TLK1: variants seen among roughly 807,000 people sequenced by gnomAD.
TLK1 encodes the protein tousled like kinase 1.
TLK1 carries 24 observed loss-of-function variants against 105.3 expected under a neutral mutation model. That is an observed-to-expected ratio of 0.23 (90% CI 0.17 to 0.32). The LOEUF (loss-of-function observed/expected upper bound fraction) is 0.32, where lower values mean the gene tolerates loss of function less well. Ranked by LOEUF, TLK1 falls within the 10% of genes least tolerant of loss-of-function variation. TLK1 has a pLI of 1.00. For missense variants in TLK1, 558 were observed against 910.5 expected (o/e 0.61, Z 4.98); for synonymous variants, 321 against 310.4 (o/e 1.03, Z -0.36).
chr2:171,152,950 G>A (rs1692099978), intron 1 of TLK1, among the ~76,000 whole-genome samples: 1 of 152,132 alleles, frequency 6.6e-6, no homozygotes, highest in Admixed American at 6.5e-5. Flanking sequence ...AGCTGGTACA[G>A]CTTTCTAAAT....
At position 170,996,764 on chromosome 2, in the gene TLK1, A is replaced by C. The variant is rs750147824; in HGVS notation, c.2017-4T>G. The C allele has an allele frequency of 2.0e-6, 3 of 1,469,872 alleles. No individual in the cohort carries two copies. The South Asian group carries it at 3.9e-5, about 19-fold the overall frequency. The allele number at this position is 1,469,872 out of a possible 1,614,324, so 91.1% of individuals were successfully genotyped here. ...GAGATTGATTGTGACCAAATGGCTT[A>C]AAAAAAAAATTAAATGTTGAGATAC... On this transcript the variant is annotated splice_region_variant and splice_polypyrimidine_tract_variant and intron_variant, in intron 19 of 20. Coordinates refer to ENST00000431350, the MANE Select transcript of TLK1 (RefSeq NM_012290.5).
chr2:171,187,003 A>C (rs1693036785), intron 1 of TLK1, among the ~76,000 whole-genome samples: 1 of 133,574 alleles, frequency 7.5e-6, no homozygotes, highest in Non-Finnish European at 1.6e-5. Context: ...GGCTGCAGTG[A>C]GCCGAGATCA....
At chr2:171,164,820 C>A, upstream of TLK1, among the ~76,000 whole-genome samples, 1 of 151,738 alleles carries the variant, frequency 6.6e-6, no homozygotes, top group African/African-American at 2.4e-5. Context: ...AAAAAATGTC[C>A]GATAAAAAAA....
chr2:171,078,187 C>T (rs1268712382), intron 3 of TLK1, among the ~76,000 whole-genome samples: 2 of 152,156 alleles, frequency 1.3e-5, no homozygotes, highest in African/African-American at 2.4e-5. Context: ...AGGCTCCTCC[C>T]TTTCCTTCTT....
chr2:171,231,033 C>T (rs1182291502), intron 1 of TLK1: 1 of 152,168 alleles, frequency 6.6e-6, no homozygotes, highest in African/African-American at 2.4e-5. Context: ...ACACAAACCT[C>T]CCAGGTTTGA....
At chr2:171,216,994 C>T (rs767966988) in intron 1 of TLK1, among the ~76,000 whole-genome samples, 71 of 152,218 alleles carry the variant, frequency 4.7e-4, no homozygotes, top group Non-Finnish European at 2.1e-4. Flanking sequence ...TTTTAAGCCA[C>T]TCAGTGTGTA....
intron 1 of TLK1, among the ~76,000 whole-genome samples, chr2:171,229,589 C>T (rs947463717): frequency 6.6e-6 from 1 of 152,144 alleles, no homozygotes; most frequent in African/African-American, 2.4e-5. Flanking sequence ...TACTGGACTT[C>T]AATTCTAAGG....
At chr2:171,140,128 A>G (rs1251333398) in intron 1 of TLK1, among the ~76,000 whole-genome samples, 1 of 152,218 alleles carries the variant, frequency 6.6e-6, no homozygotes, top group Non-Finnish European at 1.5e-5. Context: ...GATAATTTAA[A>G]CAAAAGGAAG....
At position 171,193,541 on chromosome 2, in the gene TLK1, C is replaced by T. The variant is rs539733263; in HGVS notation, c.-6+37604G>A. On this transcript the variant is annotated intron_variant, in intron 1 of 20. Coordinates refer to the TLK1 transcript ENST00000521943. ...CCTCCCAAGTAGCTGGGACTACAAG[C>T]GCCCGCCACCACGCCCGGCTAATTT... Among the ~76,000 whole-genome samples the T allele has an allele frequency of 1.5e-4, 22 of 151,010 alleles. 2 individuals are homozygous for T. Among genetic ancestry groups the T allele is most frequent in the African/African-American group, 4.9e-4 (20 of 41,152 alleles).
chr2:171,039,269 T>C (rs991817769), intron 11 of TLK1, among the ~76,000 whole-genome samples: 4 of 152,202 alleles, frequency 2.6e-5, no homozygotes, highest in African/African-American at 9.7e-5. Context: ...TTTTGTTTTG[T>C]TGTTTTGTTT....
chr2:170,998,425 C>T (rs1457486166), intron 18 of TLK1, among the ~76,000 whole-genome samples: 2 of 152,168 alleles, frequency 1.3e-5, no homozygotes, highest in Non-Finnish European at 2.9e-5. Flanking sequence ...TAGTCAAAAC[C>T]AATTCACTTG....
At chr2:171,039,088 T>TAA (rs1686523245) in intron 11 of TLK1, among the ~76,000 whole-genome samples, 2 of 152,206 alleles carry the variant, frequency 1.3e-5, no homozygotes, top group Non-Finnish European at 2.9e-5. Context: ...ATTTTTTTTG[T>TAA]CTTAAATTTT....
chr2:171,060,069 C>T, intron 4 of TLK1: 1 of 1,578,118 alleles, frequency 6.3e-7, no homozygotes, highest in Non-Finnish European at 8.6e-7. Context: ...CACTGAAAGC[C>T]AGACTAAAGC....
intron 1 of TLK1, among the ~76,000 whole-genome samples, chr2:171,120,356 G>A (rs546329557): frequency 4.6e-5 from 7 of 150,886 alleles, no homozygotes; most frequent in East Asian, 1.9e-4. Flanking sequence ...AGAGTGAGAC[G>A]GCAACCCACA....
chr2:171,014,565 A>T, intron 13 of TLK1, among the ~76,000 whole-genome samples: 1 of 152,130 alleles, frequency 6.6e-6, no homozygotes, highest in East Asian at 1.9e-4. Flanking sequence ...GGAGTGAGAT[A>T]AGTAATTAAG....
At chr2:171,066,056 T>A (rs968629100) in intron 3 of TLK1, among the ~76,000 whole-genome samples, 7 of 152,176 alleles carry the variant, frequency 4.6e-5, no homozygotes, top group African/African-American at 7.2e-5. Context: ...AATATGCACA[T>A]CCGAATTCAA....
chr2:171,177,210 C>T (rs1302455275), intron 1 of TLK1, among the ~76,000 whole-genome samples: 1 of 152,052 alleles, frequency 6.6e-6, no homozygotes, highest in Non-Finnish European at 1.5e-5. Context: ...GGCCCGATCA[C>T]AGCTCACTGC....
chr2:171,077,827 T>C (rs1219937162), intron 3 of TLK1, among the ~76,000 whole-genome samples: 1 of 152,202 alleles, frequency 6.6e-6, no homozygotes, highest in African/African-American at 2.4e-5. Context: ...AGTGATGATA[T>C]CACGTTATAC....
chr2:171,160,700 C>A lies in TLK1; in HGVS notation c.-272G>T. 2.1e-6 allele frequency: 1 copy of A among 486,382 alleles called. No individual in the cohort carries two copies. Among genetic ancestry groups the A allele is most frequent in the Non-Finnish European group, 3.5e-6 (1 of 289,688 alleles). The allele number at this position is 486,382 out of a possible 1,614,324, so 30.1% of individuals were successfully genotyped here. On this transcript the variant is annotated 5_prime_UTR_variant, in exon 1 of 21. Transcript: ENST00000431350. This position sits in a 1 kb window ranked among gnomAD's most constrained non-coding sequence, Gnocchi z 4.4. ...AGAGGAGAGGAGGAGGAAAGGAGCG[C>A]GGCGGCGGAGGCGTCGAGGGGGTGC...
Sources: allele counts gnomAD v4.1 joint callset (sites outside exome capture counted in the v4.1 genomes callset), GRCh38; gene constraint gnomAD v4.1.1; non-coding constraint Gnocchi (gnomAD v3.1); transcripts MANE v1.5; gene names NCBI Gene and HGNC (gene_info 2026-07-23, HGNC 2026-07-21).